Variants in PTPN5 observed in about 807,000 individuals in gnomAD.
The protein encoded by PTPN5 is tyrosine-protein phosphatase non-receptor type 5.
PTPN5 carries 29 observed loss-of-function variants against 73.9 expected under a neutral mutation model. The observed-to-expected ratio is 0.39, with a 90% CI of 0.29 to 0.54. The LOEUF (loss-of-function observed/expected upper bound fraction) is 0.54. Among genes scored for constraint, PTPN5 ranks in the 20% least tolerant of loss-of-function variants. The pLI is 0.65. For synonymous variants in PTPN5, 267 were observed against 304.7 expected (o/e 0.88, Z 1.29); for missense variants, 652 against 751.4 (o/e 0.87, Z 1.55).
chr11:18,776,505 C>T (rs987378543), intron 1 of PTPN5, among the ~76,000 whole-genome samples: 1 of 152,046 alleles, frequency 6.6e-6, no homozygotes, highest in African/African-American at 2.4e-5. Context: ...CTGTGATTAC[C>T]GCAGCTTCCT....
chr11:18,739,389 T>C (rs1590502183), intron 8 of PTPN5, among the ~76,000 whole-genome samples: 1 of 150,552 alleles, frequency 6.6e-6, no homozygotes, highest in South Asian at 2.1e-4. Flanking sequence ...GCATCTGGAG[T>C]GAGTGATGAT....
In PTPN5 at chr11:18,781,843, A is replaced by C. The variant is rs529756627; in HGVS notation, c.-114+9682T>G. 1.1e-4 allele frequency among the ~76,000 whole-genome samples: 17 copies of C among 152,250 alleles called. No homozygotes were observed. The East Asian group carries it at 3.3e-3, about 29-fold the overall frequency. ...ATTAAAGGCCCACTGAGGCTGTCTT[A>C]TGGGAGCACTCAGGAGGGCACAAAA... is the stretch of plus-strand genomic sequence containing the variant. On this transcript the variant is annotated intron_variant, in intron 1 of 14. Coordinates refer to ENST00000358540, the MANE Select transcript of PTPN5 (RefSeq NM_006906.2).
intron 4 of PTPN5, 95 bp downstream of exon 4, chr11:18,743,911 C>G (rs910345395): frequency 7.7e-6 from 11 of 1,424,540 alleles, no homozygotes; most frequent in Admixed American, 5.3e-5. Context: ...CCCTTATCCT[C>G]CTGCCTTCCA....
At chr11:18,744,998 C>G (rs1849550079) in intron 3 of PTPN5, among the ~76,000 whole-genome samples, 1 of 152,222 alleles carries the variant, frequency 6.6e-6, no homozygotes, top group Admixed American at 6.5e-5. Context: ...TGTCCCTGTA[C>G]CATATACTGG....
At chr11:18,740,575 G>T in intron 8 of PTPN5, 28 bp downstream of exon 8, 1 of 1,513,504 alleles carries the variant, frequency 6.6e-7, no homozygotes, top group Non-Finnish European at 8.9e-7. Context: ...TCTGCACACA[G>T]TGGGGCGACC....
chr11:18,789,717 TCTCA>T (rs1851825681), intron 1 of PTPN5, among the ~76,000 whole-genome samples: 1 of 152,178 alleles, frequency 6.6e-6, no homozygotes, highest in African/African-American at 2.4e-5. Context: ...CATTGTATGT[TCTCA>T]CTCATAAGTG....
chr11:18,759,174 G>GA (rs1322394653), intron 3 of PTPN5, among the ~76,000 whole-genome samples: 1 of 151,946 alleles, frequency 6.6e-6, no homozygotes, highest in Non-Finnish European at 1.5e-5. Flanking sequence ...AAACACAAAG[G>GA]AAAAAAAGGT....
At chr11:18,753,226 C>A (rs573068863) in intron 3 of PTPN5, among the ~76,000 whole-genome samples, 6 of 152,320 alleles carry the variant, frequency 3.9e-5, no homozygotes, top group Admixed American at 3.9e-4. Flanking sequence ...AGGCTGCCAA[C>A]CATCAGATGG....
At position 18,733,097 on chromosome 11, in the gene PTPN5, G is replaced by A. The variant is rs531023342; in HGVS notation, c.1218+138C>T. The stretch of plus-strand genomic sequence containing the variant: ...GGGGCAAATGACTTAACCTTACCGA[G>A]CCTCACATCTCCTCATCTTGGCAGC... On this transcript the variant is annotated intron_variant, in intron 11 of 14. Transcript: ENST00000358540. The surrounding 1 kb of genome is among the most constrained non-coding windows in gnomAD (Gnocchi z 4.3). The A allele has an allele frequency of 5.3e-6, 7 of 1,311,700 alleles. No individual in the cohort carries two copies. In the East Asian group the frequency reaches 1.6e-4, roughly 31 times the overall value. 81.3% of individuals were successfully genotyped at this position (1,311,700 alleles called of 1,614,324 possible). A position where few individuals can be genotyped will look rare whatever the true frequency, so the allele number is the denominator to read the frequency against.
chr11:18,755,672 T>C (rs1850097907), intron 3 of PTPN5, among the ~76,000 whole-genome samples: 1 of 152,004 alleles, frequency 6.6e-6, no homozygotes, highest in African/African-American at 2.4e-5. Context: ...GGGGTTTGCC[T>C]CAAGCTAGGT....
intron 3 of PTPN5, among the ~76,000 whole-genome samples, chr11:18,744,790 G>A (rs1849542445): frequency 6.6e-6 from 1 of 152,202 alleles, no homozygotes; most frequent in Non-Finnish European, 1.5e-5. Context: ...GATACCAGAT[G>A]TCTGGGGCCA....
chr11:18,732,533 C>T (rs534976408), intron 12 of PTPN5, 59 bp downstream of exon 12: 253 of 1,268,544 alleles, frequency 2.0e-4, no homozygotes, highest in Non-Finnish European at 2.8e-4. Context: ...CTCTGTGGAG[C>T]CCCCAGTTAA....
chr11:18,750,899 T>C (rs1036161630), intron 3 of PTPN5, among the ~76,000 whole-genome samples: 1 of 152,208 alleles, frequency 6.6e-6, no homozygotes, highest in African/African-American at 2.4e-5. Flanking sequence ...GTCTATGATT[T>C]TTCTCTTACT....
chr11:18,770,744 C>G (rs1850848349), intron 2 of PTPN5, among the ~76,000 whole-genome samples: 1 of 152,216 alleles, frequency 6.6e-6, no homozygotes, highest in Non-Finnish European at 1.5e-5. Flanking sequence ...CATCACCTTC[C>G]TCTGCTCGTT....
At chr11:18,743,187 G>T in intron 5 of PTPN5, 112 bp from the exon 6 acceptor site, 2 of 1,207,332 alleles carry the variant, frequency 1.7e-6, no homozygotes, top group Non-Finnish European at 2.4e-6. Flanking sequence ...CTGGGATGGG[G>T]AGCAGGCAGA....
chr11:18,756,298 T>TC (rs1466962217), intron 3 of PTPN5, among the ~76,000 whole-genome samples: 9 of 148,288 alleles, frequency 6.1e-5, no homozygotes, highest in South Asian at 4.5e-4. Context: ...CCTTCACTTT[T>TC]TTTTTTTTTT....
In PTPN5 at chr11:18,742,924, C is replaced by T; in HGVS notation, c.483+68G>A. The T allele has an allele frequency of 9.6e-7, 1 of 1,041,754 alleles. No homozygotes were observed. Among genetic ancestry groups the T allele is most frequent in the Non-Finnish European group, 1.5e-6 (1 of 684,472 alleles). 64.5% of individuals were successfully genotyped at this position (1,041,754 alleles called of 1,614,324 possible). ...GTCCAGCCTATAAGTCAGATGGGAG[C>T]TGGTAGAAATCCAGGCCTCAAGGTC... is the stretch of plus-strand genomic sequence containing the variant. On this transcript the variant is annotated intron_variant, in intron 6 of 14. Transcript: ENST00000358540. The surrounding 1 kb of genome is among the most constrained non-coding windows in gnomAD (Gnocchi z 4.1).
In PTPN5 at chr11:18,733,654, A is replaced by C. The variant is rs775078590; in HGVS notation, c.1001-19T>G. Reference sequence around the variant, plus strand: ...TGAGGGTCTGGGGTGGTGGGAGACAAGTAAGGCTGGAAACTGGGCCCTCTG... The same window carrying C: ...TGAGGGTCTGGGGTGGTGGGAGACACGTAAGGCTGGAAACTGGGCCCTCTG... On this transcript the variant is annotated intron_variant, in intron 9 of 14. Transcript: ENST00000358540. The surrounding 1 kb of genome is among the most constrained non-coding windows in gnomAD (Gnocchi z 4.3). The C allele has an allele frequency of 1.5e-5, 25 of 1,613,438 alleles. No homozygotes were observed. Among genetic ancestry groups the C allele is most frequent in the Non-Finnish European group, 2.1e-5 (25 of 1,179,450 alleles).
At chr11:18,764,936 T>C (rs1850572369) in intron 3 of PTPN5, among the ~76,000 whole-genome samples, 2 of 152,040 alleles carry the variant, frequency 1.3e-5, no homozygotes, top group Non-Finnish European at 2.9e-5. Context: ...ATGGTCTCGA[T>C]CTCCTGACCT....
Sources: allele counts gnomAD v4.1 joint callset (sites outside exome capture counted in the v4.1 genomes callset), GRCh38; gene constraint gnomAD v4.1.1; non-coding constraint Gnocchi (gnomAD v3.1); transcripts MANE v1.5; gene names NCBI Gene and HGNC (gene_info 2026-07-23, HGNC 2026-07-21).